BICC1: variants seen among roughly 807,000 people sequenced by gnomAD.
The protein encoded by BICC1 is BicC family RNA binding protein 1.
In BICC1, 43 loss-of-function variants were observed where a neutral mutation model predicts 111.0. The ratio of observed to expected loss-of-function variants is 0.39; its 90% CI spans 0.30 to 0.50. BICC1 has a LOEUF of 0.50. Among genes scored for constraint, BICC1 ranks in the 20% least tolerant of loss-of-function variants. The pLI is 0.88. For synonymous variants in BICC1, 467 were observed against 434.4 expected (o/e 1.07, Z -0.93); for missense variants, 1,091 against 1,203.2 (o/e 0.91, Z 1.38).
intron 3 of BICC1, chr10:58,716,126 C>T: frequency 6.7e-7 from 1 of 1,501,456 alleles, no homozygotes; most frequent in Non-Finnish European, 9.1e-7. Context: ...CCTTTATCAT[C>T]TGAGTCCTTG....
At chr10:58,541,930 G>A (rs1406560920) in intron 1 of BICC1, among the ~76,000 whole-genome samples, 3 of 151,942 alleles carry the variant, frequency 2.0e-5, no homozygotes, top group Admixed American at 6.6e-5. Flanking sequence ...TGGGCAGATC[G>A]TTTGAGATCA....
At chr10:58,544,216 T>G (rs1393082184) in intron 1 of BICC1, among the ~76,000 whole-genome samples, 2 of 152,170 alleles carry the variant, frequency 1.3e-5, no homozygotes, top group Non-Finnish European at 2.9e-5. Context: ...AAGGATTCAG[T>G]TATTTTCAAG....
intron 3 of BICC1, among the ~76,000 whole-genome samples, chr10:58,718,742 A>ATGTGTG (rs371273354): frequency 0.22 from 32,240 of 148,160 alleles, 3,730 homozygotes; most frequent in African/African-American, 0.29. Context: ...TAGCATGGAA[A>ATGTGTG]TGTGTGTGTG....
At chr10:58,534,417 C>T (rs923372764) in intron 1 of BICC1, among the ~76,000 whole-genome samples, 2 of 151,708 alleles carry the variant, frequency 1.3e-5, no homozygotes, top group Non-Finnish European at 2.9e-5. Flanking sequence ...CAACACCAAG[C>T]ATATCACTAC....
intron 2 of BICC1, among the ~76,000 whole-genome samples, chr10:58,629,087 T>C (rs1588948299): frequency 6.6e-6 from 1 of 152,188 alleles, no homozygotes; most frequent in Non-Finnish European, 1.5e-5. Flanking sequence ...TTTTCTTCTC[T>C]CTGGACTCCT....
intron 1 of BICC1, among the ~76,000 whole-genome samples, chr10:58,609,907 G>A (rs893057988): frequency 9.9e-5 from 15 of 152,188 alleles, no homozygotes; most frequent in Non-Finnish European, 2.9e-5. Context: ...TTCAAATAGT[G>A]TTATGACCTC....
chr10:58,806,388 A>G (rs146677641), intron 15 of BICC1, among the ~76,000 whole-genome samples, 196 bp from the exon 16 acceptor site: 161 of 152,198 alleles, frequency 1.1e-3, no homozygotes, highest in African/African-American at 3.7e-3. Context: ...ATTTATTATT[A>G]CTAATTAATT....
chr10:58,631,861 T>C (rs1019084026), intron 2 of BICC1, among the ~76,000 whole-genome samples: 1 of 152,174 alleles, frequency 6.6e-6, no homozygotes, highest in Non-Finnish European at 1.5e-5. Flanking sequence ...AACCCAAAGT[T>C]GTTTGGGTTT....
rs1840602944 is a variant in BICC1 at position 58,712,375 on chromosome 10, T to TA, written c.307+10233dup. ...CATTTATCCAGGGGAGTTGAAAACTTATGTCTGCACAAAAACCTGCACATG... is the reference window on the plus strand; with the variant it reads ...CATTTATCCAGGGGAGTTGAAAACTTAATGTCTGCACAAAAACCTGCACATG... On this transcript the variant is annotated intron_variant, in intron 3 of 20. Coordinates refer to ENST00000373886, the MANE Select transcript of BICC1 (RefSeq NM_001080512.3). 2.6e-5 allele frequency among the ~76,000 whole-genome samples: 4 copies of TA among 152,294 alleles called. No homozygotes were observed. The South Asian group carries it at 6.2e-4, about 24-fold the overall frequency.
intron 20 of BICC1, chr10:58,823,849 A>G (rs991365060): frequency 7.1e-6 from 7 of 985,112 alleles, no homozygotes; most frequent in African/African-American, 7.0e-5. Flanking sequence ...GCCTTTAAAT[A>G]TATTCAATTC....
At chr10:58,724,861 G>A (rs867408551) in intron 3 of BICC1, among the ~76,000 whole-genome samples, 1 of 152,226 alleles carries the variant, frequency 6.6e-6, no homozygotes, top group Admixed American at 6.5e-5. Flanking sequence ...CATCATGGTG[G>A]AGTCTGGGTA....
intron 1 of BICC1, among the ~76,000 whole-genome samples, chr10:58,562,912 G>A (rs1052882808): frequency 6.6e-6 from 1 of 152,190 alleles, no homozygotes; most frequent in Non-Finnish European, 1.5e-5. Context: ...GGGTGTTTCT[G>A]TAGGCAGTGG....
At chr10:58,563,823 G>A (rs73300549) in intron 1 of BICC1, among the ~76,000 whole-genome samples, 2,646 of 152,262 alleles carry the variant, frequency 0.017, 69 homozygotes, top group African/African-American at 0.061. Flanking sequence ...GCAATATGAT[G>A]GGGTGATTGA....
At chr10:58,555,912 G>A (rs999074800) in intron 1 of BICC1, among the ~76,000 whole-genome samples, 17 of 152,142 alleles carry the variant, frequency 1.1e-4, no homozygotes, top group Non-Finnish European at 2.2e-4. Flanking sequence ...CTAAGGACCC[G>A]AACTGTCATT....
At chr10:58,624,809 G>C (rs1845936739) in intron 2 of BICC1, among the ~76,000 whole-genome samples, 1 of 152,100 alleles carries the variant, frequency 6.6e-6, no homozygotes, top group African/African-American at 2.4e-5. Context: ...GACCAGGCTG[G>C]TCTTGAACTT....
At chr10:58,798,710 A>T (rs1843439389) in intron 11 of BICC1, 150 bp downstream of exon 11, 3 of 743,118 alleles carry the variant, frequency 4.0e-6, no homozygotes, top group Non-Finnish European at 6.1e-6. Flanking sequence ...TATGTAAATT[A>T]GTTAAAATGA....
intron 3 of BICC1, among the ~76,000 whole-genome samples, chr10:58,720,392 G>C (rs974897337): frequency 3.3e-5 from 5 of 152,198 alleles, no homozygotes; most frequent in Non-Finnish European, 7.3e-5. Flanking sequence ...CTGCCCTTTG[G>C]ATACTTAGAG....
At chr10:58,742,626 T>C (rs1472514821) in intron 3 of BICC1, among the ~76,000 whole-genome samples, 3 of 151,698 alleles carry the variant, frequency 2.0e-5, no homozygotes, top group African/African-American at 4.8e-5. Flanking sequence ...TTAGTAGAGA[T>C]GGCGTTTCAC....
intron 3 of BICC1, among the ~76,000 whole-genome samples, chr10:58,752,275 G>A (rs1034340931): frequency 2.6e-5 from 4 of 152,166 alleles, no homozygotes; most frequent in Admixed American, 1.3e-4. Flanking sequence ...TGTCATCAGC[G>A]CGTATTGATG....
Sources: allele counts gnomAD v4.1 joint callset (sites outside exome capture counted in the v4.1 genomes callset), GRCh38; gene constraint gnomAD v4.1.1; transcripts MANE v1.5; gene names NCBI Gene and HGNC (gene_info 2026-07-23, HGNC 2026-07-21).